Variants in CPQ observed in about 807,000 individuals in gnomAD.
CPQ encodes Ser-Met dipeptidase.
CPQ carries 37 observed loss-of-function variants against 45.7 expected under a neutral mutation model. The observed-to-expected ratio is 0.81, with a 90% confidence interval of 0.62 to 1.07. The LOEUF (loss-of-function observed/expected upper bound fraction) is 1.07, where lower values mean the gene tolerates loss of function less well. Among genes scored for constraint, CPQ ranks in the 50% least tolerant of loss-of-function variants. The pLI, the probability that CPQ is intolerant of heterozygous loss-of-function variation, is 0.00. For synonymous variants in CPQ, 186 were observed against 205.8 expected (o/e 0.90, Z 0.82); for missense variants, 537 against 572.9 (o/e 0.94, Z 0.64).
At chr8:96,826,154 A>G (rs1031562488) in intron 2 of CPQ, among the ~76,000 whole-genome samples, 2 of 152,100 alleles carry the variant, frequency 1.3e-5, no homozygotes, top group African/African-American at 4.8e-5. Context: ...TTTGTCATTT[A>G]GTCTACAGGT....
At chr8:96,752,019 T>C (rs1398466331) in intron 1 of CPQ, among the ~76,000 whole-genome samples, 1 of 152,164 alleles carries the variant, frequency 6.6e-6, no homozygotes. Flanking sequence ...ACCACTACCA[T>C]GCTGTTTTGG....
chr8:96,991,562 A>C (rs1432210300), intron 5 of CPQ, among the ~76,000 whole-genome samples: 90 of 30,874 alleles, frequency 2.9e-3, no homozygotes, highest in Admixed American at 7.6e-3. Flanking sequence ...TCATAATAAT[A>C]ATAATAATAA....
chr8:96,665,197 A>T (rs2130715599), intron 1 of CPQ, among the ~76,000 whole-genome samples: 1 of 152,316 alleles, frequency 6.6e-6, no homozygotes, highest in South Asian at 2.1e-4. Context: ...GCAGAAAGGG[A>T]GAGGCAAAAG....
chr8:96,778,718 G>A (rs1810647710), intron 1 of CPQ, among the ~76,000 whole-genome samples: 1 of 152,074 alleles, frequency 6.6e-6, no homozygotes, highest in Non-Finnish European at 1.5e-5. Flanking sequence ...TATCATTTTA[G>A]TATCAAAATT....
rs556592975 is a variant in CPQ at position 96,694,497 on chromosome 8, A to G, written c.-35+49095A>G. Among the ~76,000 whole-genome samples the G allele has an allele frequency of 9.1e-4, 139 of 152,198 alleles. 1 individual carries two copies. Among genetic ancestry groups the G allele is most frequent in the Non-Finnish European group, 7.5e-4 (51 of 68,018 alleles). Reference sequence around the variant, plus strand: ...CATTCTTCTCCTCAGCATATGGCTCATTCATAAGGATAGACTATATGTTAG... The same window carrying G: ...CATTCTTCTCCTCAGCATATGGCTCGTTCATAAGGATAGACTATATGTTAG... On this transcript the variant is annotated intron_variant, in intron 1 of 7. Coordinates refer to ENST00000220763, the MANE Select transcript of CPQ (RefSeq NM_016134.4).
intron 1 of CPQ, among the ~76,000 whole-genome samples, chr8:96,656,082 G>T (rs1245615221): frequency 6.6e-6 from 1 of 152,118 alleles, no homozygotes; most frequent in Non-Finnish European, 1.5e-5. Context: ...TTGAACTCCT[G>T]GGCTCAAGTG....
intron 7 of CPQ, among the ~76,000 whole-genome samples, chr8:97,090,018 A>G (rs1252026261): frequency 6.6e-6 from 1 of 152,222 alleles, no homozygotes; most frequent in African/African-American, 2.4e-5. Flanking sequence ...GTTTACACAG[A>G]AACTACCTAT....
intron 4 of CPQ, among the ~76,000 whole-genome samples, chr8:96,962,213 A>G (rs950562402): frequency 6.6e-6 from 1 of 152,200 alleles, no homozygotes; most frequent in African/African-American, 2.4e-5. Flanking sequence ...AACAAACCCT[A>G]CATTTCAAAG....
At chr8:96,914,198 G>T (rs975728579) in intron 4 of CPQ, among the ~76,000 whole-genome samples, 3 of 152,098 alleles carry the variant, frequency 2.0e-5, no homozygotes, top group African/African-American at 7.2e-5. Context: ...GTTTTGCTTC[G>T]ATTAGTTTTG....
chr8:96,675,736 A>C (rs1046488190), intron 1 of CPQ, among the ~76,000 whole-genome samples: 2 of 152,050 alleles, frequency 1.3e-5, no homozygotes, highest in Non-Finnish European at 2.9e-5. Flanking sequence ...ATGGAGGGGA[A>C]CAGCACTCTG....
intron 5 of CPQ, among the ~76,000 whole-genome samples, chr8:97,022,416 C>A (rs1563556796): frequency 6.6e-6 from 1 of 152,196 alleles, no homozygotes; most frequent in East Asian, 1.9e-4. Context: ...TTTTGCGTGG[C>A]AAAAGGAACA....
intron 4 of CPQ, among the ~76,000 whole-genome samples, chr8:96,908,076 G>A (rs1812601537): frequency 6.6e-6 from 1 of 150,492 alleles, no homozygotes; most frequent in Non-Finnish European, 1.5e-5. Flanking sequence ...ATTCTATACT[G>A]CCTCTTTATT....
At chr8:96,987,853 G>A (rs1563547160) in intron 5 of CPQ, among the ~76,000 whole-genome samples, 2 of 151,978 alleles carry the variant, frequency 1.3e-5, no homozygotes, top group South Asian at 4.1e-4. Context: ...GATTAGTTGT[G>A]GTCACAGTAG....
chr8:96,993,079 G>T (rs1809121759), intron 5 of CPQ, among the ~76,000 whole-genome samples: 1 of 152,212 alleles, frequency 6.6e-6, no homozygotes, highest in African/African-American at 2.4e-5. Context: ...GAAATGGAAA[G>T]AAGTGCTTGT....
intron 7 of CPQ, among the ~76,000 whole-genome samples, chr8:97,127,162 T>C (rs1005698993): frequency 1.3e-5 from 2 of 152,152 alleles, no homozygotes; most frequent in African/African-American, 4.8e-5. Context: ...ATTGATAAGT[T>C]GGACATCATC....
At chr8:96,746,042 A>G (rs1310162522) in intron 1 of CPQ, among the ~76,000 whole-genome samples, 2 of 152,216 alleles carry the variant, frequency 1.3e-5, no homozygotes, top group Admixed American at 6.5e-5. Context: ...ACTAGCCGCA[A>G]TGTGAACTTG....
At chr8:96,847,120 T>TAG (rs964042208) in intron 3 of CPQ, among the ~76,000 whole-genome samples, 3 of 152,226 alleles carry the variant, frequency 2.0e-5, no homozygotes, top group Non-Finnish European at 4.4e-5. Context: ...TTTGATCACT[T>TAG]GTCTAAGGCA....
intron 1 of CPQ, among the ~76,000 whole-genome samples, chr8:96,745,147 A>C (rs1810160964): frequency 6.6e-6 from 1 of 152,170 alleles, no homozygotes; most frequent in Non-Finnish European, 1.5e-5. Flanking sequence ...GTCTCTACTA[A>C]AAATACAAAA....
At chr8:96,659,152 T>G (rs1377740790) in intron 1 of CPQ, 2 of 152,218 alleles carry the variant, frequency 1.3e-5, no homozygotes, top group African/African-American at 4.8e-5. Flanking sequence ...TCTTTGCTCT[T>G]TTGTGGTAGT....
Sources: allele counts gnomAD v4.1 joint callset (sites outside exome capture counted in the v4.1 genomes callset), GRCh38; gene constraint gnomAD v4.1.1; transcripts MANE v1.5; gene names NCBI Gene and HGNC (gene_info 2026-07-23, HGNC 2026-07-21).